SND1: variants seen among roughly 807,000 people sequenced by gnomAD.
SND1 encodes the protein staphylococcal nuclease and tudor domain containing 1.
Under a neutral mutation model 121.7 loss-of-function variants are expected in SND1, and 38 were observed. The ratio of observed to expected loss-of-function variants is 0.31; its 90% CI spans 0.24 to 0.41. The LOEUF (loss-of-function observed/expected upper bound fraction) is 0.41, where lower values mean the gene tolerates loss of function less well. Ranked by LOEUF, SND1 falls within the 10% of genes least tolerant of loss-of-function variation. The probability of loss-of-function intolerance (pLI) is 1.00; values close to 1 mark genes in which losing one functional copy is unlikely to be tolerated. For synonymous variants in SND1, 401 were observed against 447.4 expected, an observed-to-expected ratio of 0.90 and a Z score of 1.31; for missense variants, 868 against 1,184.6, an observed-to-expected ratio of 0.73 and a Z score of 3.92.
In SND1 at chr7:127,991,051, C is replaced by T; in HGVS notation, c.1774C>T (p.Arg592Ter). The T allele has an allele frequency of 6.2e-7, 1 of 1,611,256 alleles. No homozygotes were observed. Among genetic ancestry groups the T allele is most frequent in the Non-Finnish European group, 8.5e-7 (1 of 1,177,758 alleles). Residue 592 changes from arginine to a stop codon, truncating the protein, a stop_gained, in exon 16 of 24, where the codon CGA becomes TGA. Coordinates refer to ENST00000354725, the MANE Select transcript of SND1 (RefSeq NM_014390.4). LOFTEE classifies it high-confidence loss of function. ...TLFTKELVLQ[R>*]EVEVEVESMD... ...TTTCACCAAGGAACTGGTGCTGCAG[C>T]GAGAGGTAGGACATCTTCCTGTTGC...
chr7:127,683,021 A>G (rs931279732), intron 1 of SND1, among the ~76,000 whole-genome samples: 3 of 152,186 alleles, frequency 2.0e-5, no homozygotes, highest in African/African-American at 4.8e-5. Flanking sequence ...AGACATTTAA[A>G]GTATTTTTCC....
In SND1 at chr7:128,029,273, T is replaced by G; in HGVS notation, c.1779+38217T>G. On this transcript the variant is annotated intron_variant, in intron 16 of 23. Transcript: ENST00000354725. This position sits in a 1 kb window ranked among gnomAD's most constrained non-coding sequence, Gnocchi z 4.2. ...AGATCTCCGTGGTCTCCACTGTTAC[T>G]GTGGTGAAGAAGCTGTAGTTGGAGG... 13 of 1,614,174 alleles carry G rather than the reference T, an allele frequency of 8.1e-6. No individual in the cohort carries two copies. Among genetic ancestry groups the G allele is most frequent in the Non-Finnish European group, 1.0e-5 (12 of 1,180,032 alleles).
intron 12 of SND1, among the ~76,000 whole-genome samples, chr7:127,876,362 AGTAGGAGCCTCAACTGGG>A (rs1799690073): frequency 2.0e-5 from 3 of 152,144 alleles, no homozygotes; most frequent in Non-Finnish European, 2.9e-5. Flanking sequence ...TGTGAGAGGC[AGTAGGAGCCTCAACTGGG>A]GTAGAGAGAG....
intron 3 of SND1, among the ~76,000 whole-genome samples, chr7:127,695,683 A>G (rs1224428988): frequency 1.3e-5 from 2 of 152,096 alleles, no homozygotes; most frequent in East Asian, 3.9e-4. Context: ...AAAATTAGCC[A>G]GGCGTGGTGG....
At chr7:127,992,819 A>G (rs941882332) in intron 16 of SND1, among the ~76,000 whole-genome samples, 16 of 152,192 alleles carry the variant, frequency 1.1e-4, no homozygotes, top group African/African-American at 2.7e-4. Context: ...GAGTGGCCCA[A>G]AACTCTTTTA....
chr7:127,795,442 A>G (rs756287252), intron 10 of SND1, among the ~76,000 whole-genome samples: 16 of 152,174 alleles, frequency 1.1e-4, no homozygotes, highest in Non-Finnish European at 2.1e-4. Flanking sequence ...TCCTCTTTAT[A>G]TGGTAGTTTA....
chr7:127,784,093 A>G (rs1250242942), intron 10 of SND1, among the ~76,000 whole-genome samples: 1 of 152,230 alleles, frequency 6.6e-6, no homozygotes, highest in East Asian at 1.9e-4. Context: ...TGTATGTATT[A>G]ACTGATTTAA....
chr7:127,697,314 A>G (rs1796021651), intron 3 of SND1, among the ~76,000 whole-genome samples: 3 of 152,326 alleles, frequency 2.0e-5, no homozygotes, highest in South Asian at 2.1e-4. Context: ...CCCCAGGGGA[A>G]GATACTTTTC....
chr7:128,028,998 T>C, intron 16 of SND1: 1 of 1,613,306 alleles, frequency 6.2e-7, no homozygotes, highest in Non-Finnish European at 8.5e-7. Flanking sequence ...ACGAAGTTTA[T>C]AGAAGACAAT....
intron 12 of SND1, among the ~76,000 whole-genome samples, chr7:127,881,850 T>C (rs1799798100): frequency 6.6e-6 from 1 of 152,172 alleles, no homozygotes; most frequent in Non-Finnish European, 1.5e-5. Flanking sequence ...CATGGCTCAC[T>C]GTAGCCTTGA....
intron 10 of SND1, among the ~76,000 whole-genome samples, chr7:127,754,698 T>C (rs540072723): frequency 2.6e-5 from 4 of 152,314 alleles, no homozygotes; most frequent in African/African-American, 9.6e-5. Flanking sequence ...CAGCAGTGGG[T>C]TGGGAGGTTG....
chr7:127,901,260 T>C (rs1304012965), intron 13 of SND1, among the ~76,000 whole-genome samples: 2 of 152,208 alleles, frequency 1.3e-5, no homozygotes, highest in South Asian at 2.1e-4. Flanking sequence ...CTCCATGTCA[T>C]GTATCCTCAT....
intron 10 of SND1, among the ~76,000 whole-genome samples, chr7:127,734,869 G>T (rs922279137): frequency 6.6e-6 from 1 of 152,214 alleles, no homozygotes; most frequent in African/African-American, 2.4e-5. Flanking sequence ...TAAATGCACA[G>T]ATGTGATTTA....
chr7:128,035,055 C>T (rs13240628), intron 16 of SND1, among the ~76,000 whole-genome samples: 10,148 of 152,242 alleles, frequency 0.067, 420 homozygotes, highest in Middle Eastern at 0.19. Context: ...GCTGTGATAA[C>T]GCCAGAGAGA....
intron 16 of SND1, among the ~76,000 whole-genome samples, chr7:128,031,789 C>T (rs929715): frequency 0.17 from 24,574 of 143,720 alleles, 2,502 homozygotes; most frequent in African/African-American, 0.29. Context: ...TCGCCGCCCG[C>T]CGCTGCCCGG....
At chr7:128,000,368 CTTT>C (rs34812649) in intron 16 of SND1, among the ~76,000 whole-genome samples, 36 of 135,140 alleles carry the variant, frequency 2.7e-4, no homozygotes, top group African/African-American at 4.8e-4. Flanking sequence ...GCTTTTGCTT[CTTT>C]TTTTTTTTTT....
intron 10 of SND1, among the ~76,000 whole-genome samples, chr7:127,784,293 C>T (rs1405435754): frequency 6.6e-6 from 1 of 152,214 alleles, no homozygotes; most frequent in African/African-American, 2.4e-5. Flanking sequence ...AGGTTAACGT[C>T]TCTGCCGGGC....
At chr7:127,924,163 GAGCATATGC>G (rs1800784706) in intron 14 of SND1, among the ~76,000 whole-genome samples, 3 of 152,058 alleles carry the variant, frequency 2.0e-5, no homozygotes, top group Admixed American at 6.5e-5. Flanking sequence ...ATGGGCAGTA[GAGCATATGC>G]TTGCACCTCC....
chr7:127,701,728 C>T (rs565576182), intron 5 of SND1, among the ~76,000 whole-genome samples: 68 of 152,270 alleles, frequency 4.5e-4, no homozygotes, highest in African/African-American at 1.6e-3. Context: ...CTCTTCCTCC[C>T]GGGAATACCA....
Sources: allele counts gnomAD v4.1 joint callset (sites outside exome capture counted in the v4.1 genomes callset), GRCh38; gene constraint gnomAD v4.1.1; non-coding constraint Gnocchi (gnomAD v3.1); transcripts MANE v1.5; gene names NCBI Gene and HGNC (gene_info 2026-07-23, HGNC 2026-07-21).